The following ME1 variants were observed in gnomAD, a reference collection of about 807,000 sequenced individuals.
The protein encoded by ME1 is malic enzyme 1.
ME1 carries 74 observed loss-of-function variants against 66.4 expected under a neutral mutation model. That is an observed-to-expected ratio of 1.11 (90% CI 0.92 to 1.35). The LOEUF (loss-of-function observed/expected upper bound fraction) is 1.35, where lower values mean the gene tolerates loss of function less well. Among genes scored for constraint, ME1 ranks in the 40% most tolerant of loss-of-function variants. The pLI is 0.00. For synonymous variants in ME1, 251 were observed against 235.6 expected, an observed-to-expected ratio of 1.07 and a Z score of -0.60; for missense variants, 750 against 694.1, an observed-to-expected ratio of 1.08 and a Z score of -0.90.
At chr6:83,408,471 T>C (rs572873684) in intron 1 of ME1, among the ~76,000 whole-genome samples, 2 of 152,206 alleles carry the variant, frequency 1.3e-5, no homozygotes, top group Non-Finnish European at 2.9e-5. Context: ...ATGGTCAAGA[T>C]ATTCTTCCCT....
chr6:83,274,929 GA>G (rs1286235459), intron 6 of ME1, among the ~76,000 whole-genome samples: 1 of 152,036 alleles, frequency 6.6e-6, no homozygotes, highest in African/African-American at 2.4e-5. Flanking sequence ...ATCAAAAGAG[GA>G]AATTTCCAAA....
chr6:83,367,886 A>G (rs192813612), intron 3 of ME1, among the ~76,000 whole-genome samples: 30 of 152,300 alleles, frequency 2.0e-4, no homozygotes, highest in Admixed American at 1.9e-3. Flanking sequence ...CACAACTTGG[A>G]TAACAGTTTG....
At chr6:83,273,553 T>C (rs1767123410) in intron 6 of ME1, among the ~76,000 whole-genome samples, 1 of 152,168 alleles carries the variant, frequency 6.6e-6, no homozygotes, top group Admixed American at 6.5e-5. Context: ...TAAAACAACA[T>C]TCCATGATTA....
rs532560220 is a variant in ME1, at chr6:83,260,776, G to T, written c.705-7038C>A. On this transcript the variant is annotated intron_variant, in intron 6 of 13. Transcript: ENST00000369705. ...CCAGCTCCATCCATGTTCCTGCAAA[G>T]GATGTGATCTCACTCTTTTTTATGG... 2.0e-5 allele frequency among the ~76,000 whole-genome samples: 3 copies of T among 152,282 alleles called. No individual in the cohort carries two copies. The South Asian group carries it at 6.2e-4, about 32-fold the overall frequency.
At chr6:83,334,056 G>C (rs956796234) in intron 5 of ME1, among the ~76,000 whole-genome samples, 4 of 152,232 alleles carry the variant, frequency 2.6e-5, no homozygotes, top group Admixed American at 6.5e-5. Context: ...CTGAGGTACC[G>C]GGTTCTTCTC....
Position 83,239,647 on chromosome 6 carries a change from T to C in ME1, c.815-11A>G, listed in dbSNP as rs1261335894. The C allele has an allele frequency of 6.3e-7, 1 of 1,587,978 alleles. No homozygotes were observed. On this transcript the variant is annotated splice_polypyrimidine_tract_variant and intron_variant, in intron 7 of 13. Coordinates refer to ENST00000369705, the MANE Select transcript of ME1 (RefSeq NM_002395.6). ...CAACAGATGCTGTTCCTGAAACAAG[T>C]AATAAATATCCTTGAGTAATCCTCA...
At chr6:83,416,060 A>G (rs1435153899) in intron 1 of ME1, among the ~76,000 whole-genome samples, 1 of 152,206 alleles carries the variant, frequency 6.6e-6, no homozygotes, top group East Asian at 1.9e-4. Flanking sequence ...TTGAGTCACA[A>G]GTAGATATTA....
intron 1 of ME1, among the ~76,000 whole-genome samples, chr6:83,416,669 G>T (rs1056521028): frequency 2.0e-5 from 3 of 152,040 alleles, no homozygotes; most frequent in Non-Finnish European, 2.9e-5. Context: ...CAGGAGGATC[G>T]CTTGAGCTCA....
intron 2 of ME1, among the ~76,000 whole-genome samples, chr6:83,406,017 G>A (rs1467613261): frequency 2.6e-5 from 4 of 152,116 alleles, no homozygotes; most frequent in Admixed American, 6.5e-5. Flanking sequence ...CACCGCACCC[G>A]GCCAAGAGTT....
rs78663616 is a variant in ME1, at chr6:83,289,998, T to C, written c.704+25312A>G. The stretch of plus-strand genomic sequence containing the variant: ...GTGATATCCCCTTTATCATTTTTAT[T>C]GCATCTATTTGATTCTTCCCTCTTT... On this transcript the variant is annotated intron_variant, in intron 6 of 13. Transcript: ENST00000369705. Among the ~76,000 whole-genome samples the C allele has an allele frequency of 5.9e-3, 903 of 152,316 alleles. 24 individuals are homozygous for C. In the East Asian group the frequency reaches 0.06, roughly 10 times the overall value.
intron 6 of ME1, among the ~76,000 whole-genome samples, chr6:83,295,900 C>T (rs1767588330): frequency 6.6e-6 from 1 of 151,680 alleles, no homozygotes; most frequent in Non-Finnish European, 1.5e-5. Context: ...CTTTATGTAC[C>T]CAAACTAGAA....
At chr6:83,411,434 C>T (rs1770047237) in intron 1 of ME1, among the ~76,000 whole-genome samples, 1 of 151,332 alleles carries the variant, frequency 6.6e-6, no homozygotes, top group Admixed American at 6.6e-5. Context: ...GTTAAAAGAA[C>T]ATCAACAAAT....
At chr6:83,323,957 T>C (rs906069686) in intron 5 of ME1, among the ~76,000 whole-genome samples, 28 of 152,166 alleles carry the variant, frequency 1.8e-4, no homozygotes, top group Admixed American at 1.0e-3. Flanking sequence ...CTTCAGCACA[T>C]GCAAAAGAAA....
intron 5 of ME1, among the ~76,000 whole-genome samples, chr6:83,321,258 G>A (rs941054126): frequency 2.0e-5 from 3 of 152,118 alleles, no homozygotes; most frequent in African/African-American, 4.8e-5. Context: ...CTAGCTGCAG[G>A]AGTTTTTTTT....
chr6:83,305,175 T>C (rs562919866), intron 6 of ME1, among the ~76,000 whole-genome samples: 1 of 152,282 alleles, frequency 6.6e-6, no homozygotes, highest in African/African-American at 2.4e-5. Flanking sequence ...TCAATTGAGT[T>C]CAACAAATAT....
At chr6:83,230,592 A>G (rs1053018808) in intron 9 of ME1, among the ~76,000 whole-genome samples, 10 of 152,168 alleles carry the variant, frequency 6.6e-5, no homozygotes, top group Non-Finnish European at 1.5e-4. Flanking sequence ...GAAGAAAAAA[A>G]TCATAATTCC....
At chr6:83,283,796 A>G (rs1767350431) in intron 6 of ME1, among the ~76,000 whole-genome samples, 1 of 152,134 alleles carries the variant, frequency 6.6e-6, no homozygotes, top group African/African-American at 2.4e-5. Flanking sequence ...AAAGATCTCA[A>G]ATTAACAATC....
chr6:83,351,134 C>T (rs745833010), intron 4 of ME1, among the ~76,000 whole-genome samples: 1 of 152,068 alleles, frequency 6.6e-6, no homozygotes, highest in Non-Finnish European at 1.5e-5. Context: ...GTAGCTCACA[C>T]CTATTGTTTC....
At chr6:83,247,939 G>A (rs370642225) in intron 7 of ME1, among the ~76,000 whole-genome samples, 47 of 152,272 alleles carry the variant, frequency 3.1e-4, no homozygotes, top group African/African-American at 9.9e-4. Flanking sequence ...ATTTTAGGCC[G>A]AATTAGTCGT....
Sources: gnomAD v4.1 joint callset for allele counts (sites outside exome capture counted in the v4.1 genomes callset) on GRCh38, gnomAD v4.1.1 for gene constraint, MANE v1.5 for transcripts, NCBI Gene and HGNC (gene_info 2026-07-23, HGNC 2026-07-21) for gene names.